LCMT1: variants seen among roughly 807,000 people sequenced by gnomAD.
LCMT1 encodes leucine carboxyl methyltransferase 1.
LCMT1 carries 32 observed loss-of-function variants against 47.7 expected under a neutral mutation model. The observed-to-expected ratio is 0.67, with a 90% CI of 0.51 to 0.90. The LOEUF (loss-of-function observed/expected upper bound fraction) is 0.90. Among genes scored for constraint, LCMT1 ranks in the 40% least tolerant of loss-of-function variants. The pLI, the probability that LCMT1 is intolerant of heterozygous loss-of-function variation, is 0.00. For synonymous variants in LCMT1, 152 were observed against 149.7 expected (o/e 1.02, Z -0.11); for missense variants, 375 against 415.2 (o/e 0.90, Z 0.84).
intron 4 of LCMT1, chr16:25,140,476 A>G: frequency 2.0e-6 from 1 of 503,492 alleles, no homozygotes; most frequent in Non-Finnish European, 3.5e-6. Context: ...CTCCCCATGT[A>G]ATTACAATTA....
At chr16:25,117,866 A>G (rs1023983072) in intron 1 of LCMT1, among the ~76,000 whole-genome samples, 6 of 152,032 alleles carry the variant, frequency 3.9e-5, no homozygotes, top group African/African-American at 1.5e-4. Context: ...AAAAAAAAAA[A>G]AATTTGACAT....
At chr16:25,148,055 G>A in intron 4 of LCMT1, 1 of 152,476 alleles carries the variant, frequency 6.6e-6, no homozygotes, top group Non-Finnish European at 1.5e-5. Context: ...GGGGCAGGGT[G>A]CAAGCACAGG....
chr16:25,148,704 ACCAGTCGCGAGACTAGAGGAAAACTCG>A (rs1239709696), intron 4 of LCMT1: 4 of 152,144 alleles, frequency 2.6e-5, no homozygotes, highest in African/African-American at 4.8e-5. Context: ...AGGAAAACTT[ACCAGTCGCGAGACTAGAGGAAAACTCG>A]CCAGTCGCGG....
chr16:25,140,137 A>G (rs1280208573), intron 3 of LCMT1, 34 bp from the exon 4 acceptor site: 1 of 1,491,074 alleles, frequency 6.7e-7, no homozygotes, highest in Non-Finnish European at 9.3e-7. Flanking sequence ...ATGTAAGAGT[A>G]AAGAAATAAA....
chr16:25,160,838 G>A (rs1235318557), intron 5 of LCMT1: 1 of 604,566 alleles, frequency 1.7e-6, no homozygotes, highest in Non-Finnish European at 3.1e-6. Flanking sequence ...GTATGTGTGT[G>A]CGCACCATGT....
intron 7 of LCMT1, among the ~76,000 whole-genome samples, chr16:25,166,381 A>G (rs1168790636): frequency 6.6e-6 from 1 of 151,330 alleles, no homozygotes; most frequent in East Asian, 1.9e-4. Context: ...CATGCTCACT[A>G]TTTTTATTGT....
intron 2 of LCMT1, among the ~76,000 whole-genome samples, chr16:25,131,316 G>A (rs752764698): frequency 9.9e-5 from 15 of 152,200 alleles, no homozygotes; most frequent in Non-Finnish European, 1.6e-4. Context: ...CCCACCCCAC[G>A]CCCTGGCGGC....
chr16:25,114,188 G>T (rs1959716208), intron 1 of LCMT1, among the ~76,000 whole-genome samples: 1 of 152,184 alleles, frequency 6.6e-6, no homozygotes, highest in Admixed American at 6.5e-5. Context: ...CAGCCTTCTG[G>T]GTACCTGTAA....
At chr16:25,121,018 C>T (rs1008146563) in intron 1 of LCMT1, among the ~76,000 whole-genome samples, 1 of 150,306 alleles carries the variant, frequency 6.7e-6, no homozygotes, top group Non-Finnish European at 1.5e-5. Context: ...ACCTTGGCCT[C>T]CCAAAGTGCT....
At chr16:25,165,117 C>T (rs537140591) in intron 7 of LCMT1, among the ~76,000 whole-genome samples, 4 of 151,694 alleles carry the variant, frequency 2.6e-5, no homozygotes, top group Admixed American at 2.0e-4. Flanking sequence ...ACTGGTGAAA[C>T]GGAGCACCCA....
chr16:25,118,904 C>G (rs1418713363), intron 1 of LCMT1, among the ~76,000 whole-genome samples: 1 of 151,952 alleles, frequency 6.6e-6, no homozygotes. Flanking sequence ...TGTAAGGACC[C>G]GACTTTTCCT....
chr16:25,135,000 C>T (rs557584690), intron 3 of LCMT1, among the ~76,000 whole-genome samples: 27 of 152,080 alleles, frequency 1.8e-4, no homozygotes, highest in Non-Finnish European at 1.8e-4. Flanking sequence ...GTTAACAGGC[C>T]GCTGGAGAGA....
chr16:25,122,210 C>T (rs1960011524), intron 1 of LCMT1, among the ~76,000 whole-genome samples: 1 of 152,204 alleles, frequency 6.6e-6, no homozygotes, highest in Non-Finnish European at 1.5e-5. Context: ...TAGGCTGTCT[C>T]TTTAATTTCT....
intron 6 of LCMT1, among the ~76,000 whole-genome samples, chr16:25,163,946 C>T (rs890252165): frequency 3.3e-5 from 5 of 152,120 alleles, no homozygotes; most frequent in Non-Finnish European, 7.4e-5. Context: ...TTGGACAGGG[C>T]TTAGCTGGAT....
At chr16:25,170,923 A>C (rs1961746463) in intron 9 of LCMT1, 118 bp downstream of exon 9, 2 of 716,354 alleles carry the variant, frequency 2.8e-6, no homozygotes, top group African/African-American at 1.8e-5. Context: ...TAAAAAACAA[A>C]AAACAAACAA....
At chr16:25,114,577 C>T (rs1027925679) in intron 1 of LCMT1, among the ~76,000 whole-genome samples, 1 of 152,172 alleles carries the variant, frequency 6.6e-6, no homozygotes. Context: ...GTTCTCCCCT[C>T]TTTTGTTTAC....
intron 5 of LCMT1, among the ~76,000 whole-genome samples, chr16:25,152,393 G>A (rs1296821053): frequency 3.3e-4 from 50 of 152,130 alleles, no homozygotes; most frequent in Non-Finnish European, 2.9e-5. Context: ...GGTCCCCTTG[G>A]TTCAGGTGGC....
At position 25,164,695 on chromosome 16, in the gene LCMT1, G is replaced by A. The variant is rs1226906670; in HGVS notation, c.667G>A (p.Ala223Thr). The stretch of plus-strand genomic sequence containing the variant: ...GTGGGCAGCCAACAGTTTTGAGAGA[G>A]CCATGTTCATAAACTACGAACAGGT... ...LKWAANSFERAMFINYEQVNM... is the reference protein window; with the variant it reads ...LKWAANSFERTMFINYEQVNM... The change falls in exon 7 of 11, where the codon GCC becomes ACC. Residue 223 changes from alanine to threonine, a missense_variant. Physicochemically the swap from Ala to Thr is moderately conservative, Grantham distance 58. Transcript: ENST00000399069. 12 of 1,613,872 alleles carry A rather than the reference G, an allele frequency of 7.4e-6. No homozygotes were observed. Among genetic ancestry groups the A allele is most frequent in the African/African-American group, 1.3e-5 (1 of 74,924 alleles).
At chr16:25,118,232 C>T (rs532812912) in intron 1 of LCMT1, among the ~76,000 whole-genome samples, 1 of 152,078 alleles carries the variant, frequency 6.6e-6, no homozygotes, top group Non-Finnish European at 1.5e-5. Context: ...TGTACTTCCC[C>T]AGCCTCACTT....
Sources: allele counts gnomAD v4.1 joint callset (sites outside exome capture counted in the v4.1 genomes callset), GRCh38; gene constraint gnomAD v4.1.1; transcripts MANE v1.5; gene names NCBI Gene and HGNC (gene_info 2026-07-23, HGNC 2026-07-21).